SIVA1: variants seen among roughly 807,000 people sequenced by gnomAD.
SIVA1 encodes SIVA1 apoptosis inducing factor.
A neutral mutation model predicts 19.7 loss-of-function variants in SIVA1; 10 were observed. The observed-to-expected ratio is 0.51, with a 90% CI of 0.31 to 0.86. The LOEUF (loss-of-function observed/expected upper bound fraction) is 0.86. Among genes scored for constraint, SIVA1 ranks in the 40% least tolerant of loss-of-function variants. SIVA1 has a pLI of 0.04. For synonymous variants in SIVA1, 130 were observed against 106.1 expected (o/e 1.23, Z -1.39); for missense variants, 241 against 245.2 (o/e 0.98, Z 0.11).
At chr14:104,754,598 G>C (rs1891823782) in intron 1 of SIVA1, among the ~76,000 whole-genome samples, 1 of 152,224 alleles carries the variant, frequency 6.6e-6, no homozygotes, top group Admixed American at 6.5e-5. Flanking sequence ...AGGGAGGTCT[G>C]CTGGGTGCAG....
intron 3 of SIVA1, chr14:104,758,212 G>T (rs1053296539): frequency 6.6e-6 from 1 of 152,318 alleles, no homozygotes; most frequent in Non-Finnish European, 1.5e-5. Context: ...AGCCTTTGGC[G>T]TCCTGCTGAT....
At position 104,756,457 on chromosome 14, in the gene SIVA1, G is replaced by A. The variant is rs147210204; in HGVS notation, c.314-147G>A. 1.0e-3 allele frequency: 842 copies of A among 821,758 alleles called. 7 individuals are homozygous for A. The African/African-American group carries it at 0.012, about 12-fold the overall frequency. The allele number at this position is 821,758 out of a possible 1,614,324, so 50.9% of individuals were successfully genotyped here. ...TCCTGTGCACTGTACCAGGCTCACG[G>A]GTTGTCAGAAGGATCCAGTGTAGGT... is the stretch of plus-strand genomic sequence containing the variant. On this transcript the variant is annotated intron_variant, in intron 2 of 3. Coordinates refer to ENST00000329967, the MANE Select transcript of SIVA1 (RefSeq NM_006427.4).
chr14:104,758,982 C>CT, intron 3 of SIVA1: 1 of 154,324 alleles, frequency 6.5e-6, no homozygotes, highest in East Asian at 1.9e-4. Flanking sequence ...GCTGCTGTAA[C>CT]TGAGTTCGCA....
chr14:104,756,108 T>C (rs1891879127), intron 2 of SIVA1: 4 of 567,480 alleles, frequency 7.0e-6, no homozygotes, highest in South Asian at 6.8e-5. Flanking sequence ...CCCACAAGGC[T>C]GGAAACATGC....
At chr14:104,757,435 A>C (rs1052469718) in intron 3 of SIVA1, 2 of 261,038 alleles carry the variant, frequency 7.7e-6, no homozygotes, top group African/African-American at 4.7e-5. Context: ...AATAGAAACC[A>C]CATGTTACAT....
chr14:104,755,536 A>C (rs1891855024), intron 1 of SIVA1, 94 bp from the exon 2 acceptor site: 1 of 1,143,676 alleles, frequency 8.7e-7, no homozygotes, highest in South Asian at 1.3e-5. Flanking sequence ...CAGGAGGACG[A>C]TGGGGTTCAT....
At chr14:104,755,928 C>A in intron 2 of SIVA1, 104 bp downstream of exon 2, 1 of 1,114,268 alleles carries the variant, frequency 9.0e-7, no homozygotes, top group Non-Finnish European at 1.3e-6. Flanking sequence ...CCTGGGTAAG[C>A]AGGACTCTGA....
At chr14:104,756,390 T>A (rs1032807933) in intron 2 of SIVA1, 9 of 600,268 alleles carry the variant, frequency 1.5e-5, no homozygotes, top group Non-Finnish European at 2.7e-5. Context: ...TGGAGTCAAC[T>A]ACAGGCATAT....
In SIVA1 at chr14:104,759,238, G is replaced by A. The variant is rs1566810687; in HGVS notation, c.471-190G>A. On this transcript the variant is annotated intron_variant, in intron 3 of 3. Transcript: ENST00000329967. This position sits in a 1 kb window ranked among gnomAD's most constrained non-coding sequence, Gnocchi z 4.2. Reference sequence around the variant, plus strand: ...ACGTAGTCTTTTTAGGACGCTGGTCGTGTTGCCTTAGGGCCCCCATGTCAG... The same window carrying A: ...ACGTAGTCTTTTTAGGACGCTGGTCATGTTGCCTTAGGGCCCCCATGTCAG... 5 of 487,934 alleles carry A rather than the reference G, an allele frequency of 1.0e-5. No individual in the cohort carries two copies. Among genetic ancestry groups the A allele is most frequent in the Middle Eastern group, 2.9e-4 (1 of 3,486 alleles). The allele number at this position is 487,934 out of a possible 1,614,324, so 30.2% of individuals were successfully genotyped here.
intron 1 of SIVA1, among the ~76,000 whole-genome samples, chr14:104,754,381 G>C (rs572269949): frequency 6.6e-6 from 1 of 152,180 alleles, no homozygotes; most frequent in Non-Finnish European, 1.5e-5. Context: ...GTGCTATTCT[G>C]GGCCATGGGG....
In SIVA1 at chr14:104,756,777, C is replaced by T; in HGVS notation, c.470+17C>T. On this transcript the variant is annotated intron_variant, in intron 3 of 3. Coordinates refer to ENST00000329967, the MANE Select transcript of SIVA1 (RefSeq NM_006427.4). The stretch of plus-strand genomic sequence containing the variant: ...CCTCGTGGAGTAAGTACTTCAGTCC[C>T]TGGAGCTGCTGAGATCCCATAGCCC... 1 of 1,594,794 alleles carries T rather than the reference C, an allele frequency of 6.3e-7. No homozygotes were observed. Among genetic ancestry groups the T allele is most frequent in the Non-Finnish European group, 8.6e-7 (1 of 1,168,242 alleles).
At chr14:104,754,539 T>C (rs1330031861) in intron 1 of SIVA1, among the ~76,000 whole-genome samples, 1 of 152,096 alleles carries the variant, frequency 6.6e-6, no homozygotes, top group East Asian at 1.9e-4. Context: ...TCTTCCCGAG[T>C]GTCCTGACCT....
chr14:104,758,491 C>CTTTCT (rs1891977517), intron 3 of SIVA1: 2 of 137,420 alleles, frequency 1.5e-5, no homozygotes, highest in African/African-American at 5.4e-5. Context: ...TTAGAGCTTT[C>CTTTCT]TTTTTTTTTT....
At chr14:104,756,257 G>A (rs1891885085) in intron 2 of SIVA1, 2 of 456,002 alleles carry the variant, frequency 4.4e-6, no homozygotes, top group South Asian at 4.3e-5. Context: ...CAGTAAGGCA[G>A]TGGGCCACAC....
At chr14:104,756,034 A>G (rs1277147235) in intron 2 of SIVA1, 2 of 676,832 alleles carry the variant, frequency 3.0e-6, no homozygotes, top group Non-Finnish European at 5.3e-6. Flanking sequence ...GTACTGGGCC[A>G]AAAAAGCAGC....
In SIVA1 at chr14:104,755,689, G is replaced by A; in HGVS notation, c.178G>A (p.Glu60Lys). 2 of 1,614,088 alleles carry A rather than the reference G, an allele frequency of 1.2e-6. No homozygotes were observed. The highest frequency in any genetic ancestry group is 1.7e-6 in the Non-Finnish European group (2 of 1,180,002). ...AQAYLDHVWD[E>K]GCAVVHLPES... The stretch of plus-strand genomic sequence containing the variant: ...GGCCTACCTGGACCACGTGTGGGAT[G>A]AAGGCTGTGCCGTCGTTCACCTGCC... Residue 60 changes from glutamate (E) to lysine (K), a missense_variant, in exon 2 of 4, where the codon GAA becomes AAA. By Grantham distance (56) the Glu-to-Lys change is moderately conservative (BLOSUM62 1). Transcript: ENST00000329967.
At chr14:104,753,854 G>A (rs528319135) in intron 1 of SIVA1, 100 of 440,790 alleles carry the variant, frequency 2.3e-4, no homozygotes, top group Non-Finnish European at 4.0e-4. Flanking sequence ...GAGACCAGCA[G>A]GAGGAGTCGC....
chr14:104,755,717 A>C lies in SIVA1; in HGVS notation c.206A>C (p.Glu69Ala), dbSNP rs1187211358. Residue 69 changes from glutamate (E) to alanine (A), a missense_variant, in exon 2 of 4, where the codon GAG (glutamate) becomes GCG (alanine). Transcript: ENST00000329967. ...DEGCAVVHLPESPKPGPTGAP... is the reference protein window; with the variant it reads ...DEGCAVVHLPASPKPGPTGAP... ...GGCTGTGCCGTCGTTCACCTGCCAG[A>C]GTCCCCAAAGCCTGGCCCTACAGGG... 1.2e-6 allele frequency: 2 copies of C among 1,614,100 alleles called. No individual in the cohort carries two copies. Among genetic ancestry groups the C allele is most frequent in the Non-Finnish European group, 1.7e-6 (2 of 1,179,980 alleles).
chr14:104,753,310 G>A lies in SIVA1; in HGVS notation c.109G>A (p.Glu37Lys). The change falls in exon 1 of 4, where the codon GAG becomes AAG. Residue 37 changes from glutamate (E) to lysine (K), a missense_variant. Coordinates refer to ENST00000329967, the MANE Select transcript of SIVA1 (RefSeq NM_006427.4). ...CGTGTGCGCCGAGCGCTACTCGCAGGAGGTCTTCGGTGAGTGTCGGGCGGG... is the reference window on the plus strand; with the variant it reads ...CGTGTGCGCCGAGCGCTACTCGCAGAAGGTCTTCGGTGAGTGTCGGGCGGG... ...RGVCAERYSQ[E>K]VFEKTKRLLF... 2 of 1,597,168 alleles carry A rather than the reference G, an allele frequency of 1.3e-6. No individual in the cohort carries two copies. The highest frequency in any genetic ancestry group is 1.7e-6 in the Non-Finnish European group (2 of 1,173,204).
Sources: allele counts gnomAD v4.1 joint callset (sites outside exome capture counted in the v4.1 genomes callset), GRCh38; gene constraint gnomAD v4.1.1; non-coding constraint Gnocchi (gnomAD v3.1); transcripts MANE v1.5; gene names NCBI Gene and HGNC (gene_info 2026-07-23, HGNC 2026-07-21).